The following SLC25A13 variants were observed in gnomAD, a reference collection of about 807,000 sequenced individuals.
The protein encoded by SLC25A13 is solute carrier family 25 member 13, also known as electrogenic aspartate/glutamate antiporter SLC25A13, mitochondrial.
SLC25A13 carries 70 observed loss-of-function variants against 85.5 expected under a neutral mutation model. The observed-to-expected ratio is 0.82, with a 90% CI of 0.68 to 1.00. SLC25A13 has a LOEUF of 1.00. SLC25A13 is among the 50% of genes least tolerant of loss of function. The pLI, the probability that SLC25A13 is intolerant of heterozygous loss-of-function variation, is 0.00. For missense variants in SLC25A13, 765 were observed against 819.8 expected (o/e 0.93, Z 0.82); for synonymous variants, 259 against 288.7 (o/e 0.90, Z 1.04).
chr7:96,218,573 A>G (rs1383951383), intron 4 of SLC25A13, among the ~76,000 whole-genome samples: 6 of 152,184 alleles, frequency 3.9e-5, no homozygotes, highest in Non-Finnish European at 8.8e-5. Context: ...GAATAACTAA[A>G]TTAATGCATT....
chr7:96,161,572 C>T (rs189189288), intron 13 of SLC25A13, among the ~76,000 whole-genome samples: 72 of 152,260 alleles, frequency 4.7e-4, no homozygotes, highest in Non-Finnish European at 7.4e-5. Flanking sequence ...GCCCTGTCAT[C>T]CATATTTATA....
intron 5 of SLC25A13, among the ~76,000 whole-genome samples, chr7:96,207,003 C>G (rs1419872228): frequency 6.6e-6 from 1 of 152,158 alleles, no homozygotes; most frequent in East Asian, 1.9e-4. Context: ...TGTCATTATT[C>G]CTCATCAAAA....
intron 3 of SLC25A13, among the ~76,000 whole-genome samples, chr7:96,239,664 C>T (rs1484553928): frequency 6.6e-6 from 1 of 152,100 alleles, no homozygotes; most frequent in Non-Finnish European, 1.5e-5. Flanking sequence ...CATGGGTCAG[C>T]TAACATGAAA....
At chr7:96,162,447 A>G (rs1168513278) in intron 13 of SLC25A13, among the ~76,000 whole-genome samples, 1 of 152,226 alleles carries the variant, frequency 6.6e-6, no homozygotes, top group Non-Finnish European at 1.5e-5. Context: ...AGTTGAAACA[A>G]ATGGAAATGT....
intron 3 of SLC25A13, among the ~76,000 whole-genome samples, chr7:96,264,388 C>T (rs1347684708): frequency 6.6e-6 from 1 of 152,194 alleles, no homozygotes; most frequent in Non-Finnish European, 1.5e-5. Flanking sequence ...ACCTGCACCT[C>T]CATCTCATCT....
intron 5 of SLC25A13, among the ~76,000 whole-genome samples, chr7:96,193,609 C>A (rs566574561): frequency 4.1e-4 from 63 of 152,308 alleles, no homozygotes; most frequent in Non-Finnish European, 8.4e-4. Flanking sequence ...AACCTGGTAC[C>A]CAAACACATG....
chr7:96,183,574 C>A (rs914138545), intron 11 of SLC25A13, among the ~76,000 whole-genome samples: 3 of 152,182 alleles, frequency 2.0e-5, no homozygotes, highest in Admixed American at 6.5e-5. Context: ...AGAAGGCAAT[C>A]CCCGAAAGAA....
chr7:96,240,729 G>A (rs1470293099), intron 3 of SLC25A13, among the ~76,000 whole-genome samples: 1 of 144,192 alleles, frequency 6.9e-6, no homozygotes, highest in African/African-American at 2.6e-5. Context: ...GGGCTACAGA[G>A]TGAGACACCA....
chr7:96,254,929 G>C (rs1797571458), intron 3 of SLC25A13, among the ~76,000 whole-genome samples: 1 of 151,896 alleles, frequency 6.6e-6, no homozygotes, highest in Non-Finnish European at 1.5e-5. Context: ...GTTTTGATTT[G>C]GGAAACATAT....
At chr7:96,157,372 C>T (rs775969182) in intron 13 of SLC25A13, among the ~76,000 whole-genome samples, 8 of 152,210 alleles carry the variant, frequency 5.3e-5, no homozygotes, top group Non-Finnish European at 7.3e-5. Flanking sequence ...TGTCTACATG[C>T]TTCTATAAGC....
intron 1 of SLC25A13, among the ~76,000 whole-genome samples, chr7:96,303,814 C>T (rs1022509312): frequency 5.9e-5 from 9 of 152,016 alleles, no homozygotes; most frequent in African/African-American, 1.9e-4. Flanking sequence ...GAGGTCACTG[C>T]TGTCTTGGTG....
intron 17 of SLC25A13, 105 bp from the exon 18 acceptor site, chr7:96,121,482 T>A (rs1791502789): frequency 7.0e-7 from 1 of 1,433,034 alleles, no homozygotes; most frequent in Non-Finnish European, 9.8e-7. Context: ...AAGGAGTTGA[T>A]ACATTCTCAT....
intron 1 of SLC25A13, among the ~76,000 whole-genome samples, chr7:96,307,669 G>T (rs549248923): frequency 1.3e-5 from 2 of 152,210 alleles, no homozygotes; most frequent in African/African-American, 4.8e-5. Context: ...TGGCTAGATA[G>T]GGAGATGAGG....
At chr7:96,128,109 CCCCATGACATCACT>C (rs2116408541) in intron 15 of SLC25A13, among the ~76,000 whole-genome samples, 1 of 152,302 alleles carries the variant, frequency 6.6e-6, no homozygotes, top group Admixed American at 6.5e-5. Flanking sequence ...GCCCTGCTCA[CCCCATGACATCACT>C]CCTGCTCACT....
intron 13 of SLC25A13, among the ~76,000 whole-genome samples, chr7:96,154,920 C>A (rs947819646): frequency 2.0e-5 from 3 of 151,940 alleles, no homozygotes; most frequent in African/African-American, 7.3e-5. Context: ...GCCTCAGCCT[C>A]CTGCTGTAGC....
intron 5 of SLC25A13, among the ~76,000 whole-genome samples, chr7:96,205,741 T>A (rs1053768721): frequency 2.0e-5 from 3 of 152,200 alleles, no homozygotes; most frequent in African/African-American, 4.8e-5. Context: ...TTCACCACTT[T>A]ATGACTTTTA....
intron 5 of SLC25A13, among the ~76,000 whole-genome samples, chr7:96,196,586 A>C (rs1256392672): frequency 6.6e-6 from 1 of 152,206 alleles, no homozygotes; most frequent in East Asian, 1.9e-4. Flanking sequence ...ATGATTAAAC[A>C]TCTATGAGCA....
chr7:96,170,147 A>G, intron 12 of SLC25A13, 22 bp from the exon 13 acceptor site: 2 of 1,598,544 alleles, frequency 1.3e-6, no homozygotes, highest in Non-Finnish European at 1.7e-6. Flanking sequence ...ATATTTATAG[A>G]AGCTGATGAA....
At chr7:96,250,319 A>G (rs972608793) in intron 3 of SLC25A13, among the ~76,000 whole-genome samples, 4 of 152,240 alleles carry the variant, frequency 2.6e-5, no homozygotes, top group Non-Finnish European at 5.9e-5. Flanking sequence ...AAGTAGATGC[A>G]ATATCCTCAG....
Sources: gnomAD v4.1 joint callset for allele counts (sites outside exome capture counted in the v4.1 genomes callset) on GRCh38, gnomAD v4.1.1 for gene constraint, MANE v1.5 for transcripts, NCBI Gene and HGNC (gene_info 2026-07-23, HGNC 2026-07-21) for gene names.